ARHGEF3: variants seen among roughly 807,000 people sequenced by gnomAD.
ARHGEF3 encodes the protein Rho guanine nucleotide exchange factor 3.
ARHGEF3 carries 28 observed loss-of-function variants against 63.2 expected under a neutral mutation model. The ratio of observed to expected loss-of-function variants is 0.44; its 90% CI spans 0.33 to 0.61. The LOEUF is 0.61. Among genes scored for constraint, ARHGEF3 ranks in the 20% least tolerant of loss-of-function variants. ARHGEF3 has a pLI of 0.03. For synonymous variants in ARHGEF3, 266 were observed against 254.2 expected (o/e 1.05, Z -0.44); for missense variants, 533 against 659.3 (o/e 0.81, Z 2.10).
chr3:56,990,175 G>A (rs1380880772), intron 2 of ARHGEF3, among the ~76,000 whole-genome samples: 1 of 152,192 alleles, frequency 6.6e-6, no homozygotes, highest in Non-Finnish European at 1.5e-5. Context: ...GAGAAACAAG[G>A]ACAGAGAGAG....
At chr3:57,064,611 A>C (rs1377314299) in intron 1 of ARHGEF3, among the ~76,000 whole-genome samples, 1 of 152,250 alleles carries the variant, frequency 6.6e-6, no homozygotes, top group Non-Finnish European at 1.5e-5. Context: ...CCCAGCCCAA[A>C]GGAAGGAAAT....
rs749718228 is a variant in ARHGEF3, at chr3:56,801,696, G to A, written c.96+7C>T. ...CATAGAGGTCCAGGTGCAGGGCGCG[G>A]CCCTACCTCAGCGTCCTTGGCCGGA... is the stretch of plus-strand genomic sequence containing the variant. On this transcript the variant is annotated splice_region_variant and intron_variant, in intron 1 of 9. Coordinates refer to ENST00000296315, the MANE Select transcript of ARHGEF3 (RefSeq NM_019555.3). 27 of 1,555,076 alleles carry A rather than the reference G, an allele frequency of 1.7e-5. No homozygotes were observed. The highest frequency in any genetic ancestry group is 3.3e-4 in the Middle Eastern group (2 of 6,006).
At chr3:56,922,798 A>C (rs1268073944) in intron 3 of ARHGEF3, among the ~76,000 whole-genome samples, 1 of 152,000 alleles carries the variant, frequency 6.6e-6, no homozygotes, top group Non-Finnish European at 1.5e-5. Flanking sequence ...AATTTCCTTG[A>C]TCTTTAGTTT....
At chr3:56,881,669 T>C (rs1014725560) in intron 4 of ARHGEF3, among the ~76,000 whole-genome samples, 1 of 152,156 alleles carries the variant, frequency 6.6e-6, no homozygotes, top group African/African-American at 2.4e-5. Flanking sequence ...ATGAGGCAAA[T>C]ATTTGGTGGG....
intron 4 of ARHGEF3, among the ~76,000 whole-genome samples, chr3:56,854,127 A>G (rs998830156): frequency 2.0e-5 from 3 of 152,150 alleles, no homozygotes; most frequent in Admixed American, 6.6e-5. Flanking sequence ...CCCGAGAGGC[A>G]GAGCTTACAG....
At chr3:56,881,971 T>C (rs1033608332) in intron 4 of ARHGEF3, among the ~76,000 whole-genome samples, 2 of 152,250 alleles carry the variant, frequency 1.3e-5, no homozygotes, top group South Asian at 4.1e-4. Flanking sequence ...GACAAACATC[T>C]GTTCCATCTT....
At chr3:56,994,233 C>T (rs981414188) in intron 2 of ARHGEF3, among the ~76,000 whole-genome samples, 1 of 151,906 alleles carries the variant, frequency 6.6e-6, no homozygotes, top group African/African-American at 2.4e-5. Context: ...AATTTCCCTA[C>T]ACAAATGTAA....
At chr3:56,783,790 T>G (rs2036669793) in intron 1 of ARHGEF3, among the ~76,000 whole-genome samples, 1 of 152,236 alleles carries the variant, frequency 6.6e-6, no homozygotes, top group African/African-American at 2.4e-5. Flanking sequence ...TTAGTCAACA[T>G]TATAAGGGTA....
At chr3:56,935,741 C>T (rs990812653) in intron 3 of ARHGEF3, among the ~76,000 whole-genome samples, 20 of 152,148 alleles carry the variant, frequency 1.3e-4, no homozygotes, top group African/African-American at 2.2e-4. Context: ...ACTCCACACG[C>T]GCCACCTTAA....
In ARHGEF3 at chr3:56,921,228, A is replaced by C. The variant is rs1319152183; in HGVS notation, c.129+37595T>G. ...AAAAAGAAAAAAAAAAAGACCAAAA[A>C]AAAAAAGGTTGGAAAAAATCTCAAA... On this transcript the variant is annotated intron_variant, in intron 3 of 12. Transcript: ENST00000338458. Among the ~76,000 whole-genome samples, 4 of 151,820 alleles carry C rather than the reference A, an allele frequency of 2.6e-5. No homozygotes were observed. In the East Asian group the frequency reaches 5.8e-4, roughly 22 times the overall value.
intron 1 of ARHGEF3, chr3:57,079,085 T>C: frequency 3.2e-6 from 1 of 316,060 alleles, no homozygotes; most frequent in African/African-American, 2.2e-5. Flanking sequence ...GGGGTCCAGC[T>C]CGGGGACCAG....
intron 3 of ARHGEF3, among the ~76,000 whole-genome samples, chr3:56,930,475 G>A (rs147034407): frequency 1.3e-5 from 2 of 152,226 alleles, no homozygotes; most frequent in African/African-American, 2.4e-5. Flanking sequence ...AGCAAACTTC[G>A]TGTTTCTTCC....
intron 3 of ARHGEF3, among the ~76,000 whole-genome samples, chr3:56,920,121 A>C (rs567419987): frequency 2.0e-5 from 3 of 152,346 alleles, no homozygotes; most frequent in Admixed American, 1.3e-4. Flanking sequence ...AAATGTTAAA[A>C]GGGGGAAAAA....
chr3:56,881,036 A>T (rs570182121), intron 4 of ARHGEF3, among the ~76,000 whole-genome samples: 7 of 1,596 alleles, frequency 4.4e-3, no homozygotes, highest in Admixed American at 0.027. Context: ...AAAAATAGCT[A>T]AAAAAAATTG....
At chr3:56,867,497 A>AG (rs2040293522) in intron 4 of ARHGEF3, among the ~76,000 whole-genome samples, 1 of 151,854 alleles carries the variant, frequency 6.6e-6, no homozygotes. Context: ...TTTTGAGACA[A>AG]GGTCTTGCTC....
At chr3:56,754,875 C>T in intron 3 of ARHGEF3, 106 bp downstream of exon 3, 1 of 1,435,760 alleles carries the variant, frequency 7.0e-7, no homozygotes, top group Non-Finnish European at 9.6e-7. Flanking sequence ...TCTGCAAACG[C>T]AATGAAGAAT....
chr3:56,935,153 C>T (rs1230982224), intron 3 of ARHGEF3, among the ~76,000 whole-genome samples: 1 of 152,154 alleles, frequency 6.6e-6, no homozygotes, highest in African/African-American at 2.4e-5. Context: ...CACCAGTCAG[C>T]ACCCTGTGTC....
At chr3:56,735,891 T>A (rs918345928) in intron 8 of ARHGEF3, among the ~76,000 whole-genome samples, 10 of 152,200 alleles carry the variant, frequency 6.6e-5, no homozygotes, top group Non-Finnish European at 1.3e-4. Flanking sequence ...GGCTGCTCAG[T>A]CTAGACTAAA....
chr3:56,992,024 C>CTCTG (rs1239113895), intron 2 of ARHGEF3, among the ~76,000 whole-genome samples: 8,529 of 131,552 alleles, frequency 0.065, 352 homozygotes, highest in Non-Finnish European at 0.076. Context: ...CCTCCTCTCT[C>CTCTG]TGTGTGTGTG....
Sources: allele counts gnomAD v4.1 joint callset (sites outside exome capture counted in the v4.1 genomes callset), GRCh38; gene constraint gnomAD v4.1.1; transcripts MANE v1.5; gene names NCBI Gene and HGNC (gene_info 2026-07-23, HGNC 2026-07-21).